The following LPP variants were observed in gnomAD, a reference collection of about 807,000 sequenced individuals.
LPP encodes LIM domain containing preferred translocation partner in lipoma, also known as lipoma-preferred partner.
A neutral mutation model predicts 60.4 loss-of-function variants in LPP; 38 were observed. The ratio of observed to expected loss-of-function variants is 0.63; its 90% CI spans 0.49 to 0.83. The LOEUF (loss-of-function observed/expected upper bound fraction) is 0.83. LPP is among the 40% of genes least tolerant of loss of function. The probability of loss-of-function intolerance (pLI) is 0.00; values close to 1 mark genes in which losing one functional copy is unlikely to be tolerated. For missense variants in LPP, 902 were observed against 783.6 expected (o/e 1.15, Z -1.80); for synonymous variants, 328 against 290.8 (o/e 1.13, Z -1.30).
At chr3:188,497,695 G>A (rs1810650824) in intron 5 of LPP, among the ~76,000 whole-genome samples, 1 of 152,172 alleles carries the variant, frequency 6.6e-6, no homozygotes, top group Non-Finnish European at 1.5e-5. Flanking sequence ...AGAAAATACA[G>A]CAACCAGAAG....
intron 1 of LPP, among the ~76,000 whole-genome samples, chr3:188,157,392 T>C (rs893925243): frequency 6.6e-6 from 1 of 152,112 alleles, no homozygotes; most frequent in Non-Finnish European, 1.5e-5. Context: ...TAATTGGGAA[T>C]GGGGCAAGAG....
At chr3:188,166,470 ACTTAT>A (rs1719990279) in intron 1 of LPP, among the ~76,000 whole-genome samples, 1 of 152,224 alleles carries the variant, frequency 6.6e-6, no homozygotes, top group Non-Finnish European at 1.5e-5. Flanking sequence ...ATAGCATAAT[ACTTAT>A]CTTGCTGTTG....
intron 5 of LPP, among the ~76,000 whole-genome samples, chr3:188,523,459 G>C (rs1819573282): frequency 6.6e-6 from 1 of 152,180 alleles, no homozygotes; most frequent in African/African-American, 2.4e-5. Context: ...GGTTTGGTGA[G>C]TAAGCTACTA....
intron 3 of LPP, among the ~76,000 whole-genome samples, chr3:188,391,945 T>C (rs1779789618): frequency 6.6e-6 from 1 of 152,194 alleles, no homozygotes; most frequent in African/African-American, 2.4e-5. Flanking sequence ...TACTTTTGCC[T>C]TTCAAATATC....
chr3:188,479,782 T>G (rs1318845406), intron 4 of LPP, among the ~76,000 whole-genome samples: 1 of 152,196 alleles, frequency 6.6e-6, no homozygotes, highest in Non-Finnish European at 1.5e-5. Flanking sequence ...TATATGGATA[T>G]TTAGATGAAG....
chr3:188,643,778 T>C (rs905369147), intron 7 of LPP, among the ~76,000 whole-genome samples: 35 of 152,156 alleles, frequency 2.3e-4, no homozygotes, highest in South Asian at 4.1e-4. Flanking sequence ...GATTTCTGTT[T>C]GGGAGTACAA....
chr3:188,745,704 G>A (rs1725925901), intron 8 of LPP, among the ~76,000 whole-genome samples: 2 of 152,264 alleles, frequency 1.3e-5, no homozygotes, highest in East Asian at 1.9e-4. Flanking sequence ...ATTATTCTGA[G>A]GAAGCTGATG....
intron 9 of LPP, among the ~76,000 whole-genome samples, chr3:188,786,739 G>T (rs1055730155): frequency 6.6e-6 from 1 of 152,142 alleles, no homozygotes; most frequent in Non-Finnish European, 1.5e-5. Flanking sequence ...CCTGGAATAC[G>T]ATTTAGCAAT....
chr3:188,396,048 T>G (rs1780871534), intron 3 of LPP, among the ~76,000 whole-genome samples: 1 of 152,232 alleles, frequency 6.6e-6, no homozygotes, highest in South Asian at 2.1e-4. Flanking sequence ...GTTGACAGTT[T>G]TGTGAACAAT....
intron 9 of LPP, 42 bp from the exon 10 acceptor site, chr3:188,866,158 C>T (rs1766543947): frequency 1.4e-6 from 2 of 1,408,428 alleles, no homozygotes; most frequent in Non-Finnish European, 1.9e-6. Context: ...GTATGGACCC[C>T]CTTCTGTCCC....
At chr3:188,708,433 T>C in intron 8 of LPP, 40 bp downstream of exon 8, 1 of 1,614,054 alleles carries the variant, frequency 6.2e-7, no homozygotes, top group Non-Finnish European at 8.5e-7. Flanking sequence ...GTAACTATCT[T>C]GCTCTGATTT....
chr3:188,748,161 G>A (rs1269546486), intron 8 of LPP, among the ~76,000 whole-genome samples: 1 of 152,080 alleles, frequency 6.6e-6, no homozygotes, highest in African/African-American at 2.4e-5. Context: ...TTATTTTACA[G>A]CAGTTTATTT....
chr3:188,154,770 C>T (rs1215291130), intron 1 of LPP, among the ~76,000 whole-genome samples: 3 of 152,218 alleles, frequency 2.0e-5, no homozygotes, highest in Non-Finnish European at 4.4e-5. Flanking sequence ...GTGGCAGACC[C>T]TGTGCTGGGT....
chr3:188,313,250 A>T (rs902854768), intron 2 of LPP, among the ~76,000 whole-genome samples: 1 of 152,098 alleles, frequency 6.6e-6, no homozygotes, highest in African/African-American at 2.4e-5. Flanking sequence ...ATGTTTTATT[A>T]TCTGACAAAG....
At chr3:188,241,569 CATGTGAGACCGTGTTATAATATACTT>C (rs1724848943) in intron 2 of LPP, among the ~76,000 whole-genome samples, 2 of 152,146 alleles carry the variant, frequency 1.3e-5, no homozygotes, top group Non-Finnish European at 2.9e-5. Flanking sequence ...TGATGTACTT[CATGTGAGACCGTGTTATAATATACTT>C]GAGTTCTCCT....
intron 4 of LPP, among the ~76,000 whole-genome samples, chr3:188,442,519 A>G (rs563204914): frequency 1.3e-5 from 2 of 152,328 alleles, no homozygotes; most frequent in African/African-American, 4.8e-5. Context: ...ATATTTAGAT[A>G]GTGGATGGCT....
intron 6 of LPP, among the ~76,000 whole-genome samples, chr3:188,604,985 A>G (rs567182368): frequency 1.8e-4 from 27 of 152,230 alleles, no homozygotes; most frequent in East Asian, 3.9e-4. Context: ...TGGTGTAGGT[A>G]TCATTGTTGA....
At chr3:188,283,017 C>T (rs1307088941) in intron 2 of LPP, among the ~76,000 whole-genome samples, 1 of 152,116 alleles carries the variant, frequency 6.6e-6, no homozygotes, top group African/African-American at 2.4e-5. Context: ...GCAGTTAACC[C>T]AGGGAACTAG....
At chr3:188,649,949 G>A (rs942856597) in intron 7 of LPP, among the ~76,000 whole-genome samples, 7 of 152,078 alleles carry the variant, frequency 4.6e-5, no homozygotes, top group African/African-American at 1.4e-4. Flanking sequence ...ACCTTGTCTT[G>A]TTTCTATGTC....
Sources: gnomAD v4.1 joint callset for allele counts (sites outside exome capture counted in the v4.1 genomes callset) on GRCh38, gnomAD v4.1.1 for gene constraint, MANE v1.5 for transcripts, NCBI Gene and HGNC (gene_info 2026-07-23, HGNC 2026-07-21) for gene names.